Variants in ARK2C observed in about 807,000 individuals in gnomAD.
ARK2C encodes the protein arkadia (RNF111) C-terminal like ring finger ubiquitin ligase 2C.
chr18:46,387,860 T>C, the ARK2C span, among the ~76,000 whole-genome samples: 1,666 of 152,338 alleles, frequency 0.011, 22 homozygotes, highest in African/African-American at 0.038. Flanking sequence ...GGACAGCCAG[T>C]GCAGGGCAAC....
At chr18:46,432,655 T>C in the ARK2C span, among the ~76,000 whole-genome samples, 1 of 152,352 alleles carries the variant, frequency 6.6e-6, no homozygotes, top group Admixed American at 6.5e-5. Context: ...GCTTATGTAT[T>C]CATTAAAGAT....
the ARK2C span, among the ~76,000 whole-genome samples, chr18:46,452,791 C>A: frequency 1.3e-5 from 2 of 152,104 alleles, no homozygotes; most frequent in Non-Finnish European, 2.9e-5. Flanking sequence ...CCCTAGGGTG[C>A]ATTGGTCGAG....
chr18:46,354,369 C>T, the ARK2C span, among the ~76,000 whole-genome samples: 4 of 152,226 alleles, frequency 2.6e-5, no homozygotes, highest in African/African-American at 9.7e-5. Flanking sequence ...TTGTACACTG[C>T]CAGGGCCCAT....
chr18:46,383,004 G>T, the ARK2C span, among the ~76,000 whole-genome samples: 1 of 152,344 alleles, frequency 6.6e-6, no homozygotes, highest in African/African-American at 2.4e-5. Flanking sequence ...CCTGGGTCTG[G>T]AACCTCATGC....
chr18:46,430,771 G>C, the ARK2C span, among the ~76,000 whole-genome samples: 1 of 151,966 alleles, frequency 6.6e-6, no homozygotes, highest in African/African-American at 2.4e-5. Flanking sequence ...TTTTCTCATT[G>C]ATCCTTCTTC....
chr18:46,349,184 G>A, the ARK2C span, among the ~76,000 whole-genome samples: 1 of 152,078 alleles, frequency 6.6e-6, no homozygotes, highest in African/African-American at 2.4e-5. Context: ...TAGCACATTT[G>A]GACTGCAGTA....
At chr18:46,359,578 G>A in the ARK2C span, among the ~76,000 whole-genome samples, 2 of 152,202 alleles carry the variant, frequency 1.3e-5, no homozygotes, top group Non-Finnish European at 2.9e-5. Context: ...TGAGGCCTGA[G>A]AGCCATGGAC....
chr18:46,370,121 A>T, the ARK2C span, among the ~76,000 whole-genome samples: 4 of 152,206 alleles, frequency 2.6e-5, no homozygotes, highest in African/African-American at 9.7e-5. Context: ...CTCATCTACC[A>T]ATCTGGGTCC....
At chr18:46,383,152 T>C in the ARK2C span, among the ~76,000 whole-genome samples, 1 of 152,208 alleles carries the variant, frequency 6.6e-6, no homozygotes, top group Non-Finnish European at 1.5e-5. Flanking sequence ...CAGGCAGACA[T>C]GGCCAGATGA....
chr18:46,420,240 C>G, the ARK2C span, among the ~76,000 whole-genome samples: 1 of 152,214 alleles, frequency 6.6e-6, no homozygotes, highest in Admixed American at 6.5e-5. Context: ...CTTCTAAACT[C>G]TTCCCCATCA....
At chr18:46,368,759 C>T in the ARK2C span, among the ~76,000 whole-genome samples, 4 of 152,240 alleles carry the variant, frequency 2.6e-5, no homozygotes, top group Non-Finnish European at 4.4e-5. Context: ...GTTCAAACCC[C>T]AGCTCTGCCA....
chr18:46,373,835 T>C, the ARK2C span, among the ~76,000 whole-genome samples: 1 of 152,174 alleles, frequency 6.6e-6, no homozygotes, highest in East Asian at 1.9e-4. Context: ...AAGGCAGAGC[T>C]GGGGCTCGCT....
At chr18:46,385,855 G>C in the ARK2C span, 2 of 152,222 alleles carry the variant, frequency 1.3e-5, no homozygotes, top group African/African-American at 2.4e-5. Context: ...GCCTGGTGAG[G>C]TATCTGGGGC....
chr18:46,400,319 C>G, the ARK2C span, among the ~76,000 whole-genome samples: 6 of 152,190 alleles, frequency 3.9e-5, no homozygotes, highest in Admixed American at 6.5e-5. Flanking sequence ...TGACAGGAAC[C>G]TGATTGTTCA....
the ARK2C span, among the ~76,000 whole-genome samples, chr18:46,391,787 T>G: frequency 1.3e-5 from 2 of 148,930 alleles, no homozygotes; most frequent in African/African-American, 5.0e-5. Context: ...ATACAATACA[T>G]CCACACACAT....
the ARK2C span, among the ~76,000 whole-genome samples, chr18:46,447,129 G>A: frequency 6.6e-6 from 1 of 152,176 alleles, no homozygotes; most frequent in Non-Finnish European, 1.5e-5. Flanking sequence ...TGGCCTGTAG[G>A]TCTAGGTGTA....
the ARK2C span, chr18:46,334,197 C>G: frequency 1.7e-5 from 16 of 939,110 alleles, no homozygotes; most frequent in Non-Finnish European, 1.9e-5. The surrounding 1 kb of genome is among the most constrained non-coding windows in gnomAD (Gnocchi z 4.4). Context: ...CCCGCCGCCG[C>G]CCGCGCCCGC....
chr18:46,457,570 C>T, the ARK2C span: 1 of 152,882 alleles, frequency 6.5e-6, no homozygotes. Context: ...CTATATCCCC[C>T]CAGTTCCACA....
At chr18:46,398,582 G>C in the ARK2C span, among the ~76,000 whole-genome samples, 1 of 151,960 alleles carries the variant, frequency 6.6e-6, no homozygotes, top group African/African-American at 2.4e-5. Flanking sequence ...CCCATGGGTG[G>C]GAGATCAGGG....
Sources: allele counts gnomAD v4.1 joint callset (sites outside exome capture counted in the v4.1 genomes callset), GRCh38; gene constraint gnomAD v4.1.1; non-coding constraint Gnocchi (gnomAD v3.1); transcripts MANE v1.5; gene names NCBI Gene and HGNC (gene_info 2026-07-23, HGNC 2026-07-21).